The following BICD1 variants were observed in gnomAD, a reference collection of about 807,000 sequenced individuals.
BICD1 encodes the protein BICD cargo adaptor 1.
BICD1 carries 35 observed loss-of-function variants against 92.5 expected under a neutral mutation model. That is an observed-to-expected ratio of 0.38 (90% CI 0.29 to 0.50). The LOEUF is 0.50. Ranked by LOEUF, BICD1 falls within the 20% of genes least tolerant of loss-of-function variation. The pLI, the probability that BICD1 is intolerant of heterozygous loss-of-function variation, is 0.93. For synonymous variants in BICD1, 429 were observed against 465.1 expected (o/e 0.92, Z 1.00); for missense variants, 950 against 1,189.8 (o/e 0.80, Z 2.97).
chr12:32,350,666 G>C (rs1938827474), intron 8 of BICD1, among the ~76,000 whole-genome samples: 1 of 152,070 alleles, frequency 6.6e-6, no homozygotes, highest in Non-Finnish European at 1.5e-5. Context: ...ATATCTCTGT[G>C]TTCTGTCCTC....
At chr12:32,282,202 C>CTTTTTTTTTT (rs56217529) in intron 2 of BICD1, among the ~76,000 whole-genome samples, 5 of 94,252 alleles carry the variant, frequency 5.3e-5, no homozygotes, top group South Asian at 7.5e-4. Context: ...AGGTCTTCTT[C>CTTTTTTTTTT]TTTTTTTTTT....
intron 1 of BICD1, among the ~76,000 whole-genome samples, chr12:32,171,940 TACACACACAC>T (rs61038844): frequency 0.03 from 4,163 of 141,054 alleles, 116 homozygotes; most frequent in Admixed American, 0.097. Flanking sequence ...TCTCAAAAAA[TACACACACAC>T]ACACACACAC....
chr12:32,269,751 A>C (rs1265038528), intron 2 of BICD1, among the ~76,000 whole-genome samples: 1 of 152,208 alleles, frequency 6.6e-6, no homozygotes, highest in Non-Finnish European at 1.5e-5. Context: ...TCAGTTTTTA[A>C]AATATGGCTT....
At chr12:32,308,319 A>G (rs1948285639) in intron 4 of BICD1, among the ~76,000 whole-genome samples, 1 of 152,222 alleles carries the variant, frequency 6.6e-6, no homozygotes, top group African/African-American at 2.4e-5. Flanking sequence ...AGTGATGACC[A>G]GAAACTCCCC....
intron 4 of BICD1, among the ~76,000 whole-genome samples, chr12:32,325,736 T>G (rs919741344): frequency 1.3e-5 from 2 of 152,102 alleles, no homozygotes; most frequent in African/African-American, 2.4e-5. Context: ...ACCTAGGGAT[T>G]TAGAAGAGTT....
chr12:32,160,607 C>T (rs1406854944), intron 1 of BICD1, among the ~76,000 whole-genome samples: 3 of 151,976 alleles, frequency 2.0e-5, no homozygotes, highest in Non-Finnish European at 4.4e-5. Context: ...TACTTTTATT[C>T]CTTATCATCT....
intron 1 of BICD1, among the ~76,000 whole-genome samples, chr12:32,175,267 C>A (rs1424355939): frequency 6.6e-6 from 1 of 152,212 alleles, no homozygotes; most frequent in African/African-American, 2.4e-5. Flanking sequence ...ACAATCTACA[C>A]TACTTTCCCT....
chr12:32,329,398 A>C (rs551229279), intron 5 of BICD1, among the ~76,000 whole-genome samples: 4 of 152,116 alleles, frequency 2.6e-5, no homozygotes, highest in Non-Finnish European at 5.9e-5. Context: ...CGCCCAGCCA[A>C]GTATAGCAAG....
chr12:32,363,848 T>A (rs893510629), intron 8 of BICD1, among the ~76,000 whole-genome samples: 3 of 152,180 alleles, frequency 2.0e-5, no homozygotes, highest in Non-Finnish European at 2.9e-5. Flanking sequence ...TACCTCCTAG[T>A]GGAGTTTGTC....
intron 2 of BICD1, among the ~76,000 whole-genome samples, chr12:32,248,986 G>A (rs1329998768): frequency 6.6e-6 from 1 of 152,168 alleles, no homozygotes. Flanking sequence ...ATTTTCCACT[G>A]CGGGCATGTT....
chr12:32,299,469 A>G (rs1384056625), intron 3 of BICD1, among the ~76,000 whole-genome samples: 3 of 152,166 alleles, frequency 2.0e-5, no homozygotes, highest in Non-Finnish European at 4.4e-5. Flanking sequence ...AGTTTTCCAG[A>G]TGACAGCCTT....
intron 8 of BICD1, among the ~76,000 whole-genome samples, chr12:32,356,586 G>A (rs1419701049): frequency 6.6e-6 from 1 of 151,792 alleles, no homozygotes; most frequent in African/African-American, 2.4e-5. Context: ...TGAGCCGAGA[G>A]CACACTACTG....
chr12:32,178,890 T>G (rs1303039026), intron 1 of BICD1, among the ~76,000 whole-genome samples: 2 of 151,924 alleles, frequency 1.3e-5, no homozygotes, highest in Non-Finnish European at 2.9e-5. Flanking sequence ...CGGGCATCAT[T>G]TCATGGTGGA....
intron 4 of BICD1, among the ~76,000 whole-genome samples, chr12:32,319,705 G>A (rs1948597783): frequency 6.6e-6 from 1 of 151,976 alleles, no homozygotes; most frequent in South Asian, 2.1e-4. Context: ...AGCCTTCCAA[G>A]TAGCTAGGAT....
At chr12:32,190,504 A>G (rs1592446410) in intron 1 of BICD1, among the ~76,000 whole-genome samples, 2 of 152,282 alleles carry the variant, frequency 1.3e-5, no homozygotes, top group East Asian at 3.8e-4. Context: ...AAGACAAAGA[A>G]GATCACTATA....
intron 2 of BICD1, among the ~76,000 whole-genome samples, chr12:32,291,243 C>G (rs1947718318): frequency 6.6e-6 from 1 of 152,176 alleles, no homozygotes; most frequent in East Asian, 1.9e-4. Flanking sequence ...CAGTTAACAT[C>G]TATAGAATAT....
intron 1 of BICD1, among the ~76,000 whole-genome samples, chr12:32,169,653 GA>G (rs1943877046): frequency 6.6e-6 from 1 of 152,288 alleles, no homozygotes; most frequent in African/African-American, 2.4e-5. Flanking sequence ...ACCACACTTT[GA>G]AAAATTATTT....
intron 2 of BICD1, among the ~76,000 whole-genome samples, chr12:32,233,786 G>C (rs987641501): frequency 3.3e-5 from 5 of 152,152 alleles, no homozygotes; most frequent in African/African-American, 1.2e-4. Flanking sequence ...CATCTGGGAT[G>C]CTTACTGGAC....
intron 2 of BICD1, chr12:32,227,843 A>T (rs950249218): frequency 6.5e-6 from 1 of 153,904 alleles, no homozygotes; most frequent in Non-Finnish European, 1.5e-5. Flanking sequence ...TATGAACCCC[A>T]GCCCTCCCAG....
Sources: gnomAD v4.1 joint callset for allele counts (sites outside exome capture counted in the v4.1 genomes callset) on GRCh38, gnomAD v4.1.1 for gene constraint, MANE v1.5 for transcripts, NCBI Gene and HGNC (gene_info 2026-07-23, HGNC 2026-07-21) for gene names.